The following SH3TC2 variants were observed in gnomAD, a reference collection of about 807,000 sequenced individuals.
SH3TC2 encodes the protein SH3 domain and tetratricopeptide repeats 2.
A neutral mutation model predicts 124.5 loss-of-function variants in SH3TC2; 87 were observed. The ratio of observed to expected loss-of-function variants is 0.70; its 90% CI spans 0.59 to 0.84. The LOEUF (loss-of-function observed/expected upper bound fraction) is 0.84, where lower values mean the gene tolerates loss of function less well. Ranked by LOEUF, SH3TC2 falls within the 40% of genes least tolerant of loss-of-function variation. The pLI, the probability that SH3TC2 is intolerant of heterozygous loss-of-function variation, is 0.00. For synonymous variants in SH3TC2, 634 were observed against 628.5 expected, an observed-to-expected ratio of 1.01 and a Z score of -0.13; for missense variants, 1,536 against 1,566.4, an observed-to-expected ratio of 0.98 and a Z score of 0.33.
chr5:149,045,657 T>G (rs1262303394), intron 3 of SH3TC2: 1 of 153,448 alleles, frequency 6.5e-6, no homozygotes, highest in Non-Finnish European at 1.4e-5. Flanking sequence ...TTGTTTTGTT[T>G]TTTTAGACGG....
intron 1 of SH3TC2, among the ~76,000 whole-genome samples, chr5:149,061,566 G>A (rs1019832812): frequency 5.9e-5 from 9 of 152,124 alleles, no homozygotes; most frequent in African/African-American, 1.7e-4. Flanking sequence ...ACATAATCAT[G>A]TCATAAAAGC....
chr5:149,007,209 C>G, intron 15 of SH3TC2, 132 bp from the exon 16 acceptor site: 1 of 797,716 alleles, frequency 1.3e-6, no homozygotes, highest in South Asian at 1.4e-5. Flanking sequence ...GGAAATAAGA[C>G]AGAAGAGGTG....
At chr5:149,057,120 CTAA>C (rs1183807745) in intron 1 of SH3TC2, among the ~76,000 whole-genome samples, 1 of 152,130 alleles carries the variant, frequency 6.6e-6, no homozygotes, top group Middle Eastern at 3.2e-3. Flanking sequence ...ACACAATCTG[CTAA>C]TAATACAGGC....
rs1753651475 is a variant in SH3TC2 at position 149,004,557 on chromosome 5, G to A, written c.*154C>T. ...ATCAAATCTTTCTGTGGCCTGCAAT[G>A]AGCCCTTCTCCTCCTGGACTTCATT... is the stretch of plus-strand genomic sequence containing the variant. On this transcript the variant is annotated 3_prime_UTR_variant, in exon 17 of 17. Transcript: ENST00000515425. The A allele has an allele frequency of 4.0e-6, 3 of 752,900 alleles. No homozygotes were observed. The highest frequency in any genetic ancestry group is 5.8e-5 in the Admixed American group (2 of 34,368). 46.6% of individuals were successfully genotyped at this position (752,900 alleles called of 1,614,324 possible).
chr5:149,044,722 G>A, intron 3 of SH3TC2, 84 bp from the exon 4 acceptor site: 1 of 979,308 alleles, frequency 1.0e-6, no homozygotes, highest in Non-Finnish European at 1.6e-6. Flanking sequence ...TACTCTGTAT[G>A]AACTTCTTGA....
intron 3 of SH3TC2, chr5:149,044,951 G>T: frequency 4.5e-6 from 1 of 222,932 alleles, no homozygotes; most frequent in Non-Finnish European, 9.0e-6. Context: ...ATAGAACTAT[G>T]GGCAAAGAAT....
rs1313017300 is a variant in SH3TC2, at chr5:148,996,226, C to A, written c.*8485G>T. On this transcript the variant is annotated 3_prime_UTR_variant, in exon 17 of 17. Coordinates refer to ENST00000515425, the MANE Select transcript of SH3TC2 (RefSeq NM_024577.4). ...AGTGAACCATGGCCACCCCACTGCA[C>A]TCCAGCCTGGGCAACAGAGTGAGAC... is the stretch of plus-strand genomic sequence containing the variant. 6.6e-6 allele frequency among the ~76,000 whole-genome samples: 1 copy of A among 152,062 alleles called. No individual in the cohort carries two copies. The highest frequency in any genetic ancestry group is 1.9e-4 in the East Asian group (1 of 5,192).
intron 2 of SH3TC2, among the ~76,000 whole-genome samples, chr5:149,049,730 T>C (rs972278611): frequency 1.3e-5 from 2 of 150,104 alleles, no homozygotes; most frequent in Non-Finnish European, 3.0e-5. Context: ...TCACAGTGAG[T>C]CAACATCACA....
intron 8 of SH3TC2, among the ~76,000 whole-genome samples, chr5:149,037,418 C>T (rs984855167): frequency 6.6e-6 from 1 of 152,150 alleles, no homozygotes; most frequent in Non-Finnish European, 1.5e-5. Context: ...AACCTTCTGT[C>T]TCCTCCTCTC....
chr5:149,047,278 T>A (rs1428808457), intron 3 of SH3TC2: 1 of 154,490 alleles, frequency 6.5e-6, no homozygotes, highest in African/African-American at 2.4e-5. Flanking sequence ...TATTGTTTTT[T>A]GATTGGCAAT....
intron 7 of SH3TC2, 147 bp from the exon 8 acceptor site, chr5:149,038,637 T>G (rs1754323016): frequency 1.2e-6 from 1 of 835,256 alleles, no homozygotes; most frequent in African/African-American, 1.7e-5. Context: ...ACCCAAAAAT[T>G]GGCAGGAATG....
intron 2 of SH3TC2, among the ~76,000 whole-genome samples, chr5:149,051,539 C>T (rs992139180): frequency 1.3e-5 from 2 of 152,120 alleles, no homozygotes; most frequent in South Asian, 2.1e-4. Flanking sequence ...GCAGCCTCGA[C>T]GTCCCAGGCT....
intron 16 of SH3TC2, among the ~76,000 whole-genome samples, chr5:149,005,787 A>T (rs1229975982): frequency 2.0e-5 from 3 of 152,234 alleles, no homozygotes; most frequent in Non-Finnish European, 4.4e-5. Flanking sequence ...AGCTGCCCTG[A>T]GGGTTCCCTG....
At chr5:149,018,247 T>C (rs1038564433) in intron 12 of SH3TC2, among the ~76,000 whole-genome samples, 1 of 152,140 alleles carries the variant, frequency 6.6e-6, no homozygotes, top group African/African-American at 2.4e-5. Context: ...ACTATGGATG[T>C]TCACTGTACA....
chr5:149,052,375 A>G, intron 1 of SH3TC2, 135 bp from the exon 2 acceptor site: 1 of 694,294 alleles, frequency 1.4e-6, no homozygotes, highest in South Asian at 1.5e-5. Flanking sequence ...AATTGTTATC[A>G]CCATTGCCTT....
chr5:149,026,820 C>G (rs749940310), intron 11 of SH3TC2, 40 bp downstream of exon 11: 20 of 1,614,072 alleles, frequency 1.2e-5, no homozygotes, highest in Non-Finnish European at 1.7e-5. Flanking sequence ...TGATCCAACA[C>G]TTTTCTCTAT....
intron 2 of SH3TC2, among the ~76,000 whole-genome samples, chr5:149,048,632 T>C (rs1754507086): frequency 1.3e-5 from 2 of 152,248 alleles, no homozygotes. Flanking sequence ...GAAGCTGTTT[T>C]ATGGGCTCCT....
chr5:148,985,273 G>T lies in SH3TC2; in HGVS notation c.*19438C>A, dbSNP rs533701005. On this transcript the variant is annotated 3_prime_UTR_variant, in exon 17 of 17. Transcript: ENST00000515425. ...ATATAATAAAATTCATTATTTTTTA[G>T]TTACAGAGTTCTATGAGTTTTGGCA... 2.2e-4 allele frequency among the ~76,000 whole-genome samples: 33 copies of T among 152,002 alleles called. No homozygotes were observed. The highest frequency in any genetic ancestry group is 7.0e-4 in the African/African-American group (29 of 41,454).
At chr5:149,009,462 A>G (rs139600562) in intron 14 of SH3TC2, among the ~76,000 whole-genome samples, 1 of 152,192 alleles carries the variant, frequency 6.6e-6, no homozygotes, top group African/African-American at 2.4e-5. Context: ...TAGTTTTCTC[A>G]TCTACAAAAT....
Sources: gnomAD v4.1 joint callset for allele counts (sites outside exome capture counted in the v4.1 genomes callset) on GRCh38, gnomAD v4.1.1 for gene constraint, MANE v1.5 for transcripts, NCBI Gene and HGNC (gene_info 2026-07-23, HGNC 2026-07-21) for gene names.